The following RGS22 variants were observed in gnomAD, a reference collection of about 807,000 sequenced individuals.
RGS22 encodes the protein regulator of G-protein signaling 22.
Under a neutral mutation model 172.9 loss-of-function variants are expected in RGS22, and 148 were observed. The ratio of observed to expected loss-of-function variants is 0.86; its 90% CI spans 0.75 to 0.98. The LOEUF (loss-of-function observed/expected upper bound fraction) is 0.98. Ranked by LOEUF, RGS22 falls within the 50% of genes least tolerant of loss-of-function variation. The probability of loss-of-function intolerance (pLI) is 0.00; values close to 1 mark genes in which losing one functional copy is unlikely to be tolerated. For missense variants in RGS22, 1,347 were observed against 1,440.8 expected (o/e 0.93, Z 1.05); for synonymous variants, 458 against 480.2 (o/e 0.95, Z 0.60).
chr8:100,024,348 A>C (rs1817945504), intron 14 of RGS22, among the ~76,000 whole-genome samples: 1 of 152,116 alleles, frequency 6.6e-6, no homozygotes, highest in Non-Finnish European at 1.5e-5. Context: ...TTTTCACATA[A>C]AATTTTTCTT....
rs183151515 is a variant in RGS22, at chr8:100,020,239, C to A, written c.2167-11670G>T. On this transcript the variant is annotated intron_variant, in intron 14 of 27. Transcript: ENST00000360863. ...ACTAAGGTTCTGCCTGATGGACTGA[C>A]AGGGTGGTATTAGCAAAGACCTAGC... Among the ~76,000 whole-genome samples the A allele has an allele frequency of 5.9e-5, 9 of 152,214 alleles. No individual in the cohort carries two copies. The East Asian group carries it at 1.7e-3, about 29-fold the overall frequency.
chr8:100,065,309 C>T (rs903414429), intron 7 of RGS22, among the ~76,000 whole-genome samples: 5 of 152,206 alleles, frequency 3.3e-5, no homozygotes, highest in African/African-American at 1.2e-4. Context: ...AGCTCACCAT[C>T]TCCTGCCATC....
intron 14 of RGS22, among the ~76,000 whole-genome samples, chr8:100,031,553 T>C (rs1333706770): frequency 2.0e-5 from 3 of 152,110 alleles, no homozygotes; most frequent in African/African-American, 7.2e-5. Flanking sequence ...CCTTCCCATT[T>C]CTTACTTTTA....
intron 6 of RGS22, among the ~76,000 whole-genome samples, chr8:100,070,334 G>T (rs878975535): frequency 6.6e-6 from 1 of 152,156 alleles, no homozygotes; most frequent in Non-Finnish European, 1.5e-5. Context: ...AGAAAAAATT[G>T]AGAAATTTTA....
intron 21 of RGS22, among the ~76,000 whole-genome samples, chr8:99,986,749 C>A (rs1213227238): frequency 1.3e-5 from 2 of 151,968 alleles, no homozygotes; most frequent in African/African-American, 2.4e-5. Flanking sequence ...CTTTCTAATT[C>A]TTTTCTCTTC....
chr8:100,078,266 C>T (rs1023383337), intron 4 of RGS22, among the ~76,000 whole-genome samples: 2 of 151,634 alleles, frequency 1.3e-5, no homozygotes, highest in Non-Finnish European at 2.9e-5. Context: ...AGAAATGAGG[C>T]CTCACTCTGT....
At chr8:100,018,262 A>G (rs1426563129) in intron 14 of RGS22, among the ~76,000 whole-genome samples, 1 of 152,016 alleles carries the variant, frequency 6.6e-6, no homozygotes, top group East Asian at 1.9e-4. Flanking sequence ...CTTTTACAGT[A>G]CTGAAATTCT....
At chr8:100,103,834 G>A (rs16897951) in intron 2 of RGS22, among the ~76,000 whole-genome samples, 9,299 of 152,232 alleles carry the variant, frequency 0.061, 945 homozygotes, top group African/African-American at 0.21. Flanking sequence ...AGAGTCTTCA[G>A]GCTATCATGA....
chr8:99,962,533 C>G (rs992301830), intron 26 of RGS22, 90 bp from the exon 27 acceptor site: 2 of 1,474,632 alleles, frequency 1.4e-6, no homozygotes, highest in Non-Finnish European at 1.9e-6. Flanking sequence ...AGGACTCACA[C>G]ACACGGAGAA....
intron 14 of RGS22, among the ~76,000 whole-genome samples, chr8:100,025,166 G>T (rs548823224): frequency 8.5e-5 from 13 of 152,282 alleles, no homozygotes; most frequent in Admixed American, 3.9e-4. Context: ...CAGAAAGCTG[G>T]CTGCTGTGCT....
At chr8:100,070,189 T>A (rs568429949) in intron 6 of RGS22, among the ~76,000 whole-genome samples, 4 of 152,106 alleles carry the variant, frequency 2.6e-5, no homozygotes, top group Non-Finnish European at 5.9e-5. Context: ...AAGAGCAGGA[T>A]AACAGTGTGG....
Position 100,040,100 on chromosome 8 carries a change from A to C in RGS22, c.1939-13T>G. The C allele has an allele frequency of 6.2e-7, 1 of 1,602,548 alleles. No homozygotes were observed. The highest frequency in any genetic ancestry group is 2.3e-5 in the East Asian group (1 of 44,234). ...ACACGGTTTTAACCTAGATAACAAA[A>C]CAGAAGTCTATTATCCACCCAAAAA... On this transcript the variant is annotated splice_polypyrimidine_tract_variant and intron_variant, in intron 12 of 27. Coordinates refer to ENST00000360863, the MANE Select transcript of RGS22 (RefSeq NM_015668.5).
At chr8:100,037,822 G>GTCTCAGTTGGTGCTCAGTGGTGTCTCA in intron 14 of RGS22, among the ~76,000 whole-genome samples, 1 of 152,246 alleles carries the variant, frequency 6.6e-6, no homozygotes, top group South Asian at 2.1e-4. Context: ...TAGTCAACTG[G>GTCTCAGTTGGTGCTCAGTGGTGTCTCA]GTGGTCTCAG....
chr8:99,982,636 G>C (rs1210867965), intron 21 of RGS22, among the ~76,000 whole-genome samples: 1 of 152,180 alleles, frequency 6.6e-6, no homozygotes, highest in Non-Finnish European at 1.5e-5. Context: ...TTCCCGTCCA[G>C]TCCTGCTTCT....
At chr8:100,097,248 G>A (rs904624603) in intron 2 of RGS22, among the ~76,000 whole-genome samples, 1 of 152,134 alleles carries the variant, frequency 6.6e-6, no homozygotes, top group Non-Finnish European at 1.5e-5. Flanking sequence ...GATTACACAA[G>A]TGTATACATT....
intron 17 of RGS22, 42 bp downstream of exon 17, chr8:100,003,884 G>T: frequency 1.4e-6 from 2 of 1,456,920 alleles, no homozygotes; most frequent in South Asian, 1.5e-5. Context: ...TAGTAGCTTA[G>T]AAAAATGTTT....
At chr8:100,057,217 T>C (rs1230420174) in intron 9 of RGS22, among the ~76,000 whole-genome samples, 1 of 152,204 alleles carries the variant, frequency 6.6e-6, no homozygotes, top group Non-Finnish European at 1.5e-5. Flanking sequence ...TTTACGTCAT[T>C]CCTGTACCTC....
At chr8:100,074,194 T>C (rs1369731936) in intron 4 of RGS22, among the ~76,000 whole-genome samples, 1 of 152,214 alleles carries the variant, frequency 6.6e-6, no homozygotes, top group Non-Finnish European at 1.5e-5. Flanking sequence ...GCCTACAGAA[T>C]TGGATTAATA....
intron 23 of RGS22, among the ~76,000 whole-genome samples, chr8:99,977,593 C>T (rs1270567501): frequency 6.6e-6 from 1 of 151,958 alleles, no homozygotes; most frequent in Non-Finnish European, 1.5e-5. Flanking sequence ...GGATCTTAGT[C>T]CAATGAAGAT....
Sources: gnomAD v4.1 joint callset for allele counts (sites outside exome capture counted in the v4.1 genomes callset) on GRCh38, gnomAD v4.1.1 for gene constraint, MANE v1.5 for transcripts, NCBI Gene and HGNC (gene_info 2026-07-23, HGNC 2026-07-21) for gene names.